GCA: variants seen among roughly 807,000 people sequenced by gnomAD.
GCA encodes grancalcin, also known as grancalcin, EF-hand calcium-binding protein.
In GCA, 30 loss-of-function variants were observed where a neutral mutation model predicts 32.6. The ratio of observed to expected loss-of-function variants is 0.92; its 90% CI spans 0.69 to 1.25. The LOEUF is 1.25. Among genes scored for constraint, GCA ranks in the 50% most tolerant of loss-of-function variants. GCA has a pLI of 0.00. For missense variants in GCA, 291 were observed against 266.8 expected (o/e 1.09, Z -0.63); for synonymous variants, 102 against 84.6 (o/e 1.21, Z -1.13).
downstream of GCA, chr2:162,373,774 CAAG>C (rs1355939896): frequency 1.0e-5 from 6 of 591,894 alleles, no homozygotes; most frequent in African/African-American, 7.8e-5. Context: ...TTGCTTTAAA[CAAG>C]AAGGACAGGA....
chr2:162,338,359 T>G (rs1222269546), intron 1 of GCA, among the ~76,000 whole-genome samples: 1 of 152,200 alleles, frequency 6.6e-6, no homozygotes, highest in Admixed American at 6.5e-5. Context: ...ATGTTTTTGA[T>G]GAAACGATTT....
At chr2:162,324,434 G>A (rs1284522407) in intron 1 of GCA, among the ~76,000 whole-genome samples, 1 of 152,184 alleles carries the variant, frequency 6.6e-6, no homozygotes, top group African/African-American at 2.4e-5. Context: ...ACTCTGCGAC[G>A]TTCTACTTCT....
intron 7 of GCA, 63 bp from the exon 8 acceptor site, chr2:162,360,150 ATAAT>A: frequency 2.1e-6 from 2 of 956,280 alleles, no homozygotes; most frequent in South Asian, 1.5e-5. Context: ...CTTATGGAAT[ATAAT>A]TAGTCAAAAA....
At chr2:162,344,301 C>T in intron 1 of GCA, 26 bp downstream of exon 1, 1 of 1,611,844 alleles carries the variant, frequency 6.2e-7, no homozygotes, top group Non-Finnish European at 8.5e-7. Context: ...TTGGTCGTGT[C>T]CCTCTTCCTC....
intron 2 of GCA, among the ~76,000 whole-genome samples, 180 bp from the exon 3 acceptor site, chr2:162,352,158 G>A (rs1349842913): frequency 2.6e-5 from 4 of 152,044 alleles, no homozygotes; most frequent in Non-Finnish European, 5.9e-5. Context: ...TTATTTCTGT[G>A]GTATGATATT....
At chr2:162,327,609 G>C (rs1553462750) in intron 1 of GCA, among the ~76,000 whole-genome samples, 1 of 152,146 alleles carries the variant, frequency 6.6e-6, no homozygotes, top group Non-Finnish European at 1.5e-5. Flanking sequence ...CCCCCTATTG[G>C]CTTTTGGGGT....
At chr2:162,320,779 T>A (rs1683633885) in intron 1 of GCA, among the ~76,000 whole-genome samples, 1 of 152,208 alleles carries the variant, frequency 6.6e-6, no homozygotes, top group African/African-American at 2.4e-5. Context: ...CCTACTTTTA[T>A]GGAGTTCACA....
At chr2:162,332,434 G>A (rs1162523989) in intron 1 of GCA, among the ~76,000 whole-genome samples, 1 of 149,218 alleles carries the variant, frequency 6.7e-6, no homozygotes, top group East Asian at 1.9e-4. Context: ...GGACACTTTG[G>A]AGCATAAATC....
rs760683807 is a variant in GCA at position 162,362,206 on chromosome 2, T to C, written c.*1963T>C. 3.0e-6 allele frequency: 3 copies of C among 984,448 alleles called. No individual in the cohort carries two copies. Among genetic ancestry groups the C allele is most frequent in the Non-Finnish European group, 3.6e-6 (3 of 829,280 alleles). The allele number at this position is 984,448 out of a possible 1,614,324, so 61.0% of individuals were successfully genotyped here. On this transcript the variant is annotated 3_prime_UTR_variant, in exon 8 of 8. Transcript: ENST00000437150. ...ACCCCAAGGTTAATAAAATCAGTCA[T>C]GTTTAATTTTATTTGACCCAGTTTT...
chr2:162,362,278 C>T lies in GCA; in HGVS notation c.*2035C>T. On this transcript the variant is annotated 3_prime_UTR_variant, in exon 8 of 8. Transcript: ENST00000437150. ...AACCCCTTTCTCTAGCAAAACCTAA[C>T]ATTCTATGCCGATCCAACTTAATTG... 1 of 984,594 alleles carries T rather than the reference C, an allele frequency of 1.0e-6. No individual in the cohort carries two copies. Among genetic ancestry groups the T allele is most frequent in the South Asian group, 4.7e-5 (1 of 21,280 alleles). The allele number at this position is 984,594 out of a possible 1,614,324, so 61.0% of individuals were successfully genotyped here. A position where few individuals can be genotyped will look rare whatever the true frequency, so the allele number is the denominator to read the frequency against.
chr2:162,371,814 A>C (rs373993413), downstream of GCA: 77 of 1,602,542 alleles, frequency 4.8e-5, no homozygotes, highest in Non-Finnish European at 6.6e-5. Flanking sequence ...ATGTGGAGTA[A>C]ATAGTACAAA....
intron 1 of GCA, among the ~76,000 whole-genome samples, chr2:162,338,592 T>C (rs1413204984): frequency 6.6e-6 from 1 of 152,212 alleles, no homozygotes; most frequent in Non-Finnish European, 1.5e-5. Flanking sequence ...CTGACATATT[T>C]AATTTATATA....
At chr2:162,341,744 G>A (rs1684459085), upstream of GCA, among the ~76,000 whole-genome samples, 3 of 152,144 alleles carry the variant, frequency 2.0e-5, no homozygotes, top group Non-Finnish European at 4.4e-5. Context: ...CACTATGGTT[G>A]GGGATGGAGA....
downstream of GCA, among the ~76,000 whole-genome samples, chr2:162,364,616 C>T (rs1161100607): frequency 6.6e-6 from 1 of 151,470 alleles, no homozygotes; most frequent in African/African-American, 2.4e-5. Context: ...GAAATCTAAG[C>T]CACTAAACAG....
Position 162,356,824 on chromosome 2 carries a change from A to G in GCA, c.373A>G (p.Lys125Glu), listed in dbSNP as rs763567637. ...KELWAALNAW[K>E]ENFMTVDQDG... Reference sequence around the variant, plus strand: ...GCTATGGGCAGCTCTTAATGCCTGGAAGGAAAACTTCATGACTGTTGATCA... The same window carrying G: ...GCTATGGGCAGCTCTTAATGCCTGGGAGGAAAACTTCATGACTGTTGATCA... Residue 125 changes from lysine to glutamate, a missense_variant, in exon 5 of 8, where the codon AAG becomes GAG. Transcript: ENST00000437150. 12 of 1,609,834 alleles carry G rather than the reference A, an allele frequency of 7.5e-6. No homozygotes were observed. In the African/African-American group the frequency reaches 1.5e-4, roughly 20 times the overall value.
chr2:162,341,180 A>C (rs1684428809), upstream of GCA, among the ~76,000 whole-genome samples: 1 of 150,444 alleles, frequency 6.6e-6, no homozygotes, highest in Admixed American at 6.6e-5. Flanking sequence ...TGAGTAAATG[A>C]ATTGTTCTAT....
chr2:162,354,397 C>T (rs1254523695), intron 3 of GCA, among the ~76,000 whole-genome samples: 1 of 152,138 alleles, frequency 6.6e-6, no homozygotes, highest in African/African-American at 2.4e-5. Flanking sequence ...TGTAAATTGT[C>T]CTTTAATTGC....
In GCA at chr2:162,362,382, C is replaced by T. The variant is rs950651206; in HGVS notation, c.*2139C>T. 2 of 979,280 alleles carry T rather than the reference C, an allele frequency of 2.0e-6. No individual in the cohort carries two copies. The highest frequency in any genetic ancestry group is 6.2e-5 in the Admixed American group (1 of 16,080). 60.7% of individuals were successfully genotyped at this position (979,280 alleles called of 1,614,324 possible). On this transcript the variant is annotated 3_prime_UTR_variant, in exon 8 of 8. Transcript: ENST00000437150. ...ACATTAGGCCTAGAGAATATTTTAC[C>T]AGAATTTTTATACTGAAATACAGTT...
downstream of GCA, among the ~76,000 whole-genome samples, chr2:162,365,958 A>T (rs545349024): frequency 2.0e-5 from 3 of 151,798 alleles, no homozygotes; most frequent in African/African-American, 7.2e-5. Flanking sequence ...GGAATTTCTT[A>T]TATATCCAAA....
Sources: gnomAD v4.1 joint callset for allele counts (sites outside exome capture counted in the v4.1 genomes callset) on GRCh38, gnomAD v4.1.1 for gene constraint, MANE v1.5 for transcripts, NCBI Gene and HGNC (gene_info 2026-07-23, HGNC 2026-07-21) for gene names.